Variants in HERC1 observed in about 807,000 individuals in gnomAD.
HERC1 encodes the protein probable E3 ubiquitin-protein ligase HERC1.
A neutral mutation model predicts 554.3 loss-of-function variants in HERC1; 160 were observed. The observed-to-expected ratio is 0.29, with a 90% confidence interval of 0.25 to 0.33. The LOEUF is 0.33. HERC1 is among the 10% of genes least tolerant of loss of function. HERC1 has a pLI of 1.00. For missense variants in HERC1, 4,919 were observed against 5,918.5 expected, an observed-to-expected ratio of 0.83 and a Z score of 5.54; for synonymous variants, 2,175 against 2,131.7, an observed-to-expected ratio of 1.02 and a Z score of -0.56.
intron 1 of HERC1, among the ~76,000 whole-genome samples, chr15:63,787,532 A>G (rs1164191902): frequency 6.6e-6 from 1 of 152,138 alleles, no homozygotes; most frequent in Non-Finnish European, 1.5e-5. Context: ...ATGTTACTGA[A>G]AGAAGAGAGA....
At position 63,718,915 on chromosome 15, in the gene HERC1, G is replaced by T. The variant is rs767804462; in HGVS notation, c.3743-18C>A. 4.6e-6 allele frequency: 7 copies of T among 1,534,648 alleles called. No homozygotes were observed. The African/African-American group carries it at 8.2e-5, about 18-fold the overall frequency. On this transcript the variant is annotated intron_variant, in intron 19 of 77. Transcript: ENST00000443617. The surrounding 1 kb of genome is among the most constrained non-coding windows in gnomAD (Gnocchi z 4.2). ...GTCCCAATCTGAAAATAAAAATGATGCATTGACATTTAAAAGGGCTCAGAA... is the reference window on the plus strand; with the variant it reads ...GTCCCAATCTGAAAATAAAAATGATTCATTGACATTTAAAAGGGCTCAGAA...
intron 7 of HERC1, 55 bp downstream of exon 7, chr15:63,754,450 T>C: frequency 4.8e-6 from 7 of 1,466,968 alleles, no homozygotes; most frequent in Non-Finnish European, 6.4e-6. Flanking sequence ...AAAAATAAAT[T>C]TTTAAAAAAC....
At chr15:63,660,265 A>G (rs922916303) in intron 46 of HERC1, among the ~76,000 whole-genome samples, 7 of 152,216 alleles carry the variant, frequency 4.6e-5, no homozygotes, top group Non-Finnish European at 1.0e-4. Flanking sequence ...GGCTGCAGTA[A>G]GCTGAGATCA....
At chr15:63,656,855 A>T (rs1490071865) in intron 48 of HERC1, among the ~76,000 whole-genome samples, 1 of 152,172 alleles carries the variant, frequency 6.6e-6, no homozygotes, top group Non-Finnish European at 1.5e-5. Context: ...TTATGTTTGT[A>T]AGATTCATCC....
intron 70 of HERC1, among the ~76,000 whole-genome samples, chr15:63,628,225 T>C (rs2068388722): frequency 6.6e-6 from 1 of 152,118 alleles, no homozygotes; most frequent in East Asian, 1.9e-4. Flanking sequence ...ACCCCGTTTC[T>C]ACTAAAAACA....
chr15:63,659,860 C>T lies in HERC1; in HGVS notation c.9300G>A (p.Pro3100=), dbSNP rs777983513. ...CAATGCGCCGGTCATTTAAACCAAG[C>T]GGTCCAGCAAGTAATTCAAATTCTT... is the stretch of plus-strand genomic sequence containing the variant. ...GEEEFELLAG[P]LGLNDRRIVP... The change falls in exon 47 of 78, where the codon CCG becomes CCA. Residue 3100 remains proline, a synonymous_variant. Transcript: ENST00000443617. The T allele has an allele frequency of 3.2e-5, 52 of 1,613,608 alleles. 1 individual carries two copies. Among genetic ancestry groups the T allele is most frequent in the South Asian group, 4.4e-5 (4 of 91,070 alleles).
In HERC1 at chr15:63,718,083, G is replaced by GAA. The variant is rs1555427721; in HGVS notation, c.3978+490_3978+491insTT. Among the ~76,000 whole-genome samples the GAA allele has an allele frequency of 1.3e-5, 1 of 75,626 alleles. No homozygotes were observed. The highest frequency in any genetic ancestry group is 1.1e-4 in the Admixed American group (1 of 8,776). 49.6% of individuals were successfully genotyped at this position (75,626 alleles called of 152,430 possible). A position where few individuals can be genotyped will look rare whatever the true frequency, so the allele number is the denominator to read the frequency against. ...AGTATTTTTAAGGCAGCTATTATGTGACACACACACACACACACACACACA... is the reference window on the plus strand; with the variant it reads ...AGTATTTTTAAGGCAGCTATTATGTGAAACACACACACACACACACACACACA... On this transcript the variant is annotated intron_variant, in intron 21 of 77. Coordinates refer to ENST00000443617, the MANE Select transcript of HERC1 (RefSeq NM_003922.4). This position sits in a 1 kb window ranked among gnomAD's most constrained non-coding sequence, Gnocchi z 4.2.
At chr15:63,816,019 G>C (rs1380403316) in intron 1 of HERC1, among the ~76,000 whole-genome samples, 2 of 152,038 alleles carry the variant, frequency 1.3e-5, no homozygotes, top group Admixed American at 6.6e-5. Flanking sequence ...CTCCCACCGG[G>C]TCCCTCCCCC....
intron 47 of HERC1, among the ~76,000 whole-genome samples, chr15:63,659,300 G>GAGT (rs1270106110): frequency 6.6e-6 from 1 of 152,076 alleles, no homozygotes; most frequent in East Asian, 1.9e-4. Context: ...CACCCAGGCT[G>GAGT]GAGTGCAGTG....
At chr15:63,655,608 C>G in intron 50 of HERC1, 134 bp downstream of exon 50, 4 of 619,104 alleles carry the variant, frequency 6.5e-6, no homozygotes. Flanking sequence ...GAAAAAGTAT[C>G]TATGCACTTC....
chr15:63,780,216 C>T (rs1420006247), intron 1 of HERC1, among the ~76,000 whole-genome samples: 1 of 151,978 alleles, frequency 6.6e-6, no homozygotes, highest in African/African-American at 2.4e-5. Flanking sequence ...AAATCCTGTG[C>T]TTTTCTGTTG....
chr15:63,804,764 A>G (rs76640183), intron 1 of HERC1, among the ~76,000 whole-genome samples: 5,284 of 152,294 alleles, frequency 0.035, 107 homozygotes, highest in Middle Eastern at 0.095. Flanking sequence ...AGAAAACTCA[A>G]TTTTTAAAAT....
chr15:63,701,885 T>A (rs1596011804), intron 25 of HERC1, among the ~76,000 whole-genome samples: 1 of 152,154 alleles, frequency 6.6e-6, no homozygotes, highest in African/African-American at 2.4e-5. Context: ...CAGGAAATAT[T>A]ATATCTGAAA....
chr15:63,809,789 C>CAA (rs34059646), intron 1 of HERC1, among the ~76,000 whole-genome samples: 21 of 136,150 alleles, frequency 1.5e-4, no homozygotes, highest in African/African-American at 3.2e-4. Context: ...TTTAGAATAG[C>CAA]AAAAAAAAAA....
chr15:63,655,975 AACAG>A lies in HERC1; in HGVS notation c.9871-24_9871-21del, dbSNP rs2070009924. The stretch of plus-strand genomic sequence containing the variant: ...CAAGTTCTGAAGAAGCAATTGGAAA[AACAG>A]ACTTAATTTTTACATGTAATTTTGG... On this transcript the variant is annotated intron_variant, in intron 49 of 77. Transcript: ENST00000443617. The A allele has an allele frequency of 6.2e-7, 1 of 1,601,436 alleles. No individual in the cohort carries two copies. The highest frequency in any genetic ancestry group is 8.5e-7 in the Non-Finnish European group (1 of 1,171,816).
At chr15:63,780,211 C>T (rs891784773) in intron 1 of HERC1, among the ~76,000 whole-genome samples, 23 of 151,934 alleles carry the variant, frequency 1.5e-4, no homozygotes, top group Admixed American at 1.4e-3. Context: ...CATATAAATC[C>T]TGTGCTTTTC....
intron 1 of HERC1, among the ~76,000 whole-genome samples, chr15:63,792,938 TG>T (rs2076695014): frequency 6.6e-6 from 1 of 152,222 alleles, no homozygotes; most frequent in Admixed American, 6.5e-5. Context: ...ACCGCACTCC[TG>T]GGGTTTGATT....
intron 21 of HERC1, among the ~76,000 whole-genome samples, chr15:63,717,481 C>T (rs551918866): frequency 3.2e-4 from 48 of 152,300 alleles, no homozygotes; most frequent in African/African-American, 1.1e-3. Flanking sequence ...TATAATTTTA[C>T]GATCATGTTA....
At chr15:63,779,053 T>C (rs1303563144) in intron 1 of HERC1, among the ~76,000 whole-genome samples, 1 of 151,370 alleles carries the variant, frequency 6.6e-6, no homozygotes, top group Non-Finnish European at 1.5e-5. Flanking sequence ...ATTATAAAAG[T>C]GTTCAAGGAA....
Sources: allele counts gnomAD v4.1 joint callset (sites outside exome capture counted in the v4.1 genomes callset), GRCh38; gene constraint gnomAD v4.1.1; non-coding constraint Gnocchi (gnomAD v3.1); transcripts MANE v1.5; gene names NCBI Gene and HGNC (gene_info 2026-07-23, HGNC 2026-07-21).